The following SYT1 variants were observed in gnomAD, a reference collection of about 807,000 sequenced individuals.
SYT1 encodes synaptotagmin 1.
In SYT1, 8 loss-of-function variants were observed where a neutral mutation model predicts 44.8. The ratio of observed to expected loss-of-function variants is 0.18; its 90% CI spans 0.10 to 0.32. The LOEUF (loss-of-function observed/expected upper bound fraction) is 0.32. SYT1 is among the 10% of genes least tolerant of loss of function. SYT1 has a pLI of 1.00. For missense variants in SYT1, 286 were observed against 509.3 expected, an observed-to-expected ratio of 0.56 and a Z score of 4.22; for synonymous variants, 154 against 188.8, an observed-to-expected ratio of 0.82 and a Z score of 1.51.
At chr12:79,050,283 C>T (rs1215727906) in intron 3 of SYT1, among the ~76,000 whole-genome samples, 1 of 152,002 alleles carries the variant, frequency 6.6e-6, no homozygotes, top group Non-Finnish European at 1.5e-5. Context: ...GGTCTCCATC[C>T]TCATCTTCAC....
intron 2 of SYT1, among the ~76,000 whole-genome samples, chr12:79,031,133 A>T (rs1194503869): frequency 1.3e-5 from 2 of 150,278 alleles, no homozygotes; most frequent in Non-Finnish European, 3.0e-5. Context: ...CTGCTCAATA[A>T]AATCTCTACT....
chr12:79,278,579 A>G (rs1409463164), intron 4 of SYT1, among the ~76,000 whole-genome samples: 1 of 152,148 alleles, frequency 6.6e-6, no homozygotes, highest in Non-Finnish European at 1.5e-5. Context: ...ATCACAATTG[A>G]CAAGCTAATG....
intron 8 of SYT1, among the ~76,000 whole-genome samples, chr12:79,341,971 G>A (rs934080734): frequency 6.6e-6 from 1 of 152,104 alleles, no homozygotes; most frequent in Admixed American, 6.6e-5. Flanking sequence ...GTAAACGGGA[G>A]GGTGGCAAGA....
At chr12:78,918,285 GA>G (rs779932969) in intron 1 of SYT1, among the ~76,000 whole-genome samples, 8 of 152,030 alleles carry the variant, frequency 5.3e-5, no homozygotes, top group Non-Finnish European at 1.0e-4. Context: ...GCATTGATGT[GA>G]AAACAGCCTT....
chr12:79,139,368 C>G (rs1159373857), intron 3 of SYT1, among the ~76,000 whole-genome samples: 1 of 152,098 alleles, frequency 6.6e-6, no homozygotes, highest in African/African-American at 2.4e-5. Context: ...ACTGTCTGTT[C>G]CCTCAGTCTG....
chr12:79,104,447 G>GA (rs1428533113), intron 3 of SYT1, among the ~76,000 whole-genome samples: 1 of 151,916 alleles, frequency 6.6e-6, no homozygotes. Flanking sequence ...GCAATTTAGA[G>GA]AAAAAAGTGA....
chr12:78,955,018 T>C (rs1211837763), intron 1 of SYT1, among the ~76,000 whole-genome samples: 1 of 152,160 alleles, frequency 6.6e-6, no homozygotes, highest in Non-Finnish European at 1.5e-5. Context: ...ACTGTGTAAA[T>C]CCATCTGCTG....
chr12:79,154,205 G>T (rs1870452450), intron 3 of SYT1, among the ~76,000 whole-genome samples: 1 of 152,012 alleles, frequency 6.6e-6, no homozygotes, highest in Non-Finnish European at 1.5e-5. Flanking sequence ...AGCCACTGAA[G>T]AGCTCTTCAG....
rs1565841670 is a variant in SYT1 at position 79,179,243 on chromosome 12, G to GATATAGAT, written c.-17-38256_-17-38249dup. 6.0e-3 allele frequency among the ~76,000 whole-genome samples: 361 copies of GATATAGAT among 60,578 alleles called. 67 individuals carry two copies. Among genetic ancestry groups the GATATAGAT allele is most frequent in the African/African-American group, 0.057 (263 of 4,632 alleles). 39.7% of individuals were successfully genotyped at this position (60,578 alleles called of 152,430 possible). A position where few individuals can be genotyped will look rare whatever the true frequency, so the allele number is the denominator to read the frequency against. On this transcript the variant is annotated intron_variant, in intron 3 of 10. Coordinates refer to ENST00000261205, the MANE Select transcript of SYT1 (RefSeq NM_005639.3). ...ATATAGATATAGATATAGATATATA[G>GATATAGAT]ATATAGATATAGATATAGATATATA...
intron 4 of SYT1, among the ~76,000 whole-genome samples, chr12:79,229,051 A>G (rs558031377): frequency 6.6e-6 from 1 of 152,312 alleles, no homozygotes; most frequent in African/African-American, 2.4e-5. Context: ...AATTAGCCAA[A>G]GGCAGGACCA....
intron 3 of SYT1, among the ~76,000 whole-genome samples, chr12:79,080,106 G>C (rs1424795933): frequency 1.3e-5 from 2 of 151,882 alleles, no homozygotes; most frequent in African/African-American, 4.8e-5. Flanking sequence ...CAAACTTTCT[G>C]CTCTTTCAAT....
chr12:79,253,228 T>G (rs1877321708), intron 4 of SYT1, among the ~76,000 whole-genome samples: 1 of 152,190 alleles, frequency 6.6e-6, no homozygotes, highest in Non-Finnish European at 1.5e-5. Context: ...TTGAAGATTT[T>G]TAGTAAATCT....
At chr12:79,091,056 A>G (rs1371743623) in intron 3 of SYT1, among the ~76,000 whole-genome samples, 1 of 152,006 alleles carries the variant, frequency 6.6e-6, no homozygotes, top group African/African-American at 2.4e-5. Flanking sequence ...TATTTTACAA[A>G]AGGATAAATT....
intron 3 of SYT1, among the ~76,000 whole-genome samples, chr12:79,075,822 A>AT (rs954008202): frequency 3.3e-5 from 5 of 152,094 alleles, no homozygotes; most frequent in South Asian, 4.2e-4. Flanking sequence ...TCATACACAG[A>AT]TTTTTTTGAA....
rs116416568 is a variant in SYT1, at chr12:78,944,709, C to T, written c.-216-33090C>T. On this transcript the variant is annotated intron_variant, in intron 1 of 10. Transcript: ENST00000261205. The stretch of plus-strand genomic sequence containing the variant: ...TAATTAATTCAAAACAGAAATATGC[C>T]TTATTTGTAATTACCTTATTTGTGA... Among the ~76,000 whole-genome samples the T allele has an allele frequency of 2.1e-3, 315 of 152,056 alleles. 2 individuals carry two copies. Among genetic ancestry groups the T allele is most frequent in the African/African-American group, 7.2e-3 (299 of 41,504 alleles).
chr12:79,121,146 C>T (rs1879580801), intron 3 of SYT1, among the ~76,000 whole-genome samples: 1 of 151,950 alleles, frequency 6.6e-6, no homozygotes, highest in Non-Finnish European at 1.5e-5. Context: ...TTACTCCTAA[C>T]CCCTGCCTTC....
chr12:79,080,523 C>G (rs1306781805), intron 3 of SYT1, among the ~76,000 whole-genome samples: 3 of 152,052 alleles, frequency 2.0e-5, no homozygotes, highest in Non-Finnish European at 4.4e-5. Flanking sequence ...AAAGGAATCA[C>G]AATGGATTTT....
intron 10 of SYT1, 102 bp from the exon 11 acceptor site, chr12:79,448,816 T>C (rs1870874348): frequency 9.9e-7 from 1 of 1,014,726 alleles, no homozygotes; most frequent in Non-Finnish European, 1.5e-6. Flanking sequence ...TGCTTGGAGA[T>C]TGATTCTTCT....
At chr12:78,890,093 TCC>T (rs1565703911) in intron 1 of SYT1, among the ~76,000 whole-genome samples, 1 of 151,944 alleles carries the variant, frequency 6.6e-6, no homozygotes, top group Non-Finnish European at 1.5e-5. Context: ...ATTTGAATAT[TCC>T]ACTGTCACCT....
Sources: allele counts gnomAD v4.1 joint callset (sites outside exome capture counted in the v4.1 genomes callset), GRCh38; gene constraint gnomAD v4.1.1; transcripts MANE v1.5; gene names NCBI Gene and HGNC (gene_info 2026-07-23, HGNC 2026-07-21).